Variants in PIP5K1B observed in about 807,000 individuals in gnomAD.
PIP5K1B encodes phosphatidylinositol 4-phosphate 5-kinase type-1 beta.
In PIP5K1B, 42 loss-of-function variants were observed where a neutral mutation model predicts 67.0. The ratio of observed to expected loss-of-function variants is 0.63; its 90% CI spans 0.49 to 0.81. The LOEUF (loss-of-function observed/expected upper bound fraction) is 0.81, where lower values mean the gene tolerates loss of function less well. Among genes scored for constraint, PIP5K1B ranks in the 30% least tolerant of loss-of-function variants. PIP5K1B has a pLI of 0.00. For missense variants in PIP5K1B, 459 were observed against 646.3 expected (o/e 0.71, Z 3.14); for synonymous variants, 214 against 231.4 (o/e 0.92, Z 0.68).
chr9:68,765,585 T>C (rs1301448211), intron 2 of PIP5K1B, among the ~76,000 whole-genome samples: 1 of 152,134 alleles, frequency 6.6e-6, no homozygotes, highest in Non-Finnish European at 1.5e-5. Context: ...GGACCTAAGA[T>C]TTTAAGAAAC....
Position 68,915,047 on chromosome 9 carries a change from T to C in PIP5K1B, c.772-2501T>C, listed in dbSNP as rs535386503. ...TAGCAATTAATTAAGCACTTTATGCTAGAGACTTTTCTAAGCACTTGACTT... is the reference window on the plus strand; with the variant it reads ...TAGCAATTAATTAAGCACTTTATGCCAGAGACTTTTCTAAGCACTTGACTT... On this transcript the variant is annotated intron_variant, in intron 8 of 15. Coordinates refer to ENST00000265382, the MANE Select transcript of PIP5K1B (RefSeq NM_003558.4). Among the ~76,000 whole-genome samples, 4 of 152,246 alleles carry C rather than the reference T, an allele frequency of 2.6e-5. No individual in the cohort carries two copies. The South Asian group carries it at 8.3e-4, about 31-fold the overall frequency.
chr9:69,000,615 C>G (rs1830780861), intron 15 of PIP5K1B, among the ~76,000 whole-genome samples: 1 of 152,140 alleles, frequency 6.6e-6, no homozygotes, highest in South Asian at 2.1e-4. Context: ...CACATCACAT[C>G]TTCCCCCTGT....
At chr9:68,731,017 G>A (rs140784165) in intron 1 of PIP5K1B, among the ~76,000 whole-genome samples, 1,676 of 152,292 alleles carry the variant, frequency 0.011, 23 homozygotes, top group Middle Eastern at 0.027. Flanking sequence ...TCATTAACCA[G>A]TAAACAGATA....
At chr9:68,919,857 A>C in intron 11 of PIP5K1B, 128 bp downstream of exon 11, 1 of 556,018 alleles carries the variant, frequency 1.8e-6, no homozygotes, top group Admixed American at 3.6e-5. Flanking sequence ...TAAACTCAGA[A>C]TCTTAGGTTA....
rs190546184 is a variant in PIP5K1B at position 68,943,787 on chromosome 9, G to A, written c.1502+2997G>A. ...GTCTGTTTTCCGATTTTGACATTATGTTATATGTATCTGTGCTAAAATAAG... is the reference window on the plus strand; with the variant it reads ...GTCTGTTTTCCGATTTTGACATTATATTATATGTATCTGTGCTAAAATAAG... On this transcript the variant is annotated intron_variant, in intron 14 of 15. Transcript: ENST00000265382. Among the ~76,000 whole-genome samples, 686 of 152,274 alleles carry A rather than the reference G, an allele frequency of 4.5e-3. 7 individuals are homozygous for A. The highest frequency in any genetic ancestry group is 0.015 in the African/African-American group (629 of 41,540).
chr9:68,947,011 G>A (rs1827834934), intron 14 of PIP5K1B, among the ~76,000 whole-genome samples: 1 of 152,196 alleles, frequency 6.6e-6, no homozygotes, highest in South Asian at 2.1e-4. Flanking sequence ...AACATTTGTT[G>A]AAATAAAATA....
intron 14 of PIP5K1B, among the ~76,000 whole-genome samples, chr9:68,952,337 AC>A (rs1398690051): frequency 6.6e-6 from 1 of 152,142 alleles, no homozygotes; most frequent in Non-Finnish European, 1.5e-5. Flanking sequence ...GACACTTCTG[AC>A]CAGCCTGGAC....
At chr9:68,709,074 A>G (rs1014384366) in intron 1 of PIP5K1B, among the ~76,000 whole-genome samples, 1 of 152,200 alleles carries the variant, frequency 6.6e-6, no homozygotes, top group African/African-American at 2.4e-5. Context: ...CAGGAGTTCT[A>G]TGGTGAAGGT....
intron 4 of PIP5K1B, among the ~76,000 whole-genome samples, chr9:68,854,927 C>T (rs1406815933): frequency 6.6e-6 from 1 of 152,098 alleles, no homozygotes; most frequent in African/African-American, 2.4e-5. Context: ...GCTTTTTAAA[C>T]TTAACATAGT....
chr9:68,715,099 C>T (rs1339345425), intron 1 of PIP5K1B, among the ~76,000 whole-genome samples: 2 of 152,218 alleles, frequency 1.3e-5, no homozygotes, highest in African/African-American at 2.4e-5. Flanking sequence ...AGGAAAAGGC[C>T]TGGGTTGCTT....
At chr9:68,828,147 C>T (rs1834084659) in intron 4 of PIP5K1B, among the ~76,000 whole-genome samples, 1 of 152,216 alleles carries the variant, frequency 6.6e-6, no homozygotes, top group Non-Finnish European at 1.5e-5. Flanking sequence ...TGCCATTTGC[C>T]TTTCTTCTTG....
Position 68,923,233 on chromosome 9 carries a change from A to G in PIP5K1B, c.1117-69A>G, listed in dbSNP as rs533235272. On this transcript the variant is annotated intron_variant, in intron 11 of 15. Transcript: ENST00000265382. The stretch of plus-strand genomic sequence containing the variant: ...TTGGCTAACAGAGAACCAATTGCAT[A>G]GATCTCTCTTCTGACTTGAGATGAA... 4 of 865,928 alleles carry G rather than the reference A, an allele frequency of 4.6e-6. No individual in the cohort carries two copies. The East Asian group carries it at 7.3e-5, about 16-fold the overall frequency. 53.6% of individuals were successfully genotyped at this position (865,928 alleles called of 1,614,324 possible).
intron 14 of PIP5K1B, among the ~76,000 whole-genome samples, chr9:68,985,970 T>A (rs1329339190): frequency 2.0e-5 from 3 of 152,254 alleles, no homozygotes. Flanking sequence ...CTGCATAATA[T>A]TCCATTTTAT....
chr9:68,946,147 C>A (rs1827793339), intron 14 of PIP5K1B, among the ~76,000 whole-genome samples: 1 of 152,142 alleles, frequency 6.6e-6, no homozygotes, highest in African/African-American at 2.4e-5. Context: ...GCAAGGTCAG[C>A]AGGAATCTTT....
chr9:68,792,966 C>A (rs1361911208), intron 2 of PIP5K1B, among the ~76,000 whole-genome samples: 1 of 150,996 alleles, frequency 6.6e-6, no homozygotes, highest in African/African-American at 2.4e-5. Context: ...AACAAAGACT[C>A]CTGCCCTGTA....
chr9:68,900,229 G>A (rs1587638957), intron 8 of PIP5K1B, among the ~76,000 whole-genome samples: 3 of 152,104 alleles, frequency 2.0e-5, no homozygotes, highest in South Asian at 4.1e-4. Flanking sequence ...TATTTTATTA[G>A]CACTGACCCC....
At chr9:69,007,743 G>T (rs1352318871) in intron 15 of PIP5K1B, among the ~76,000 whole-genome samples, 1 of 152,050 alleles carries the variant, frequency 6.6e-6, no homozygotes, top group African/African-American at 2.4e-5. Context: ...TGTAGTCCCA[G>T]CTACTCGGGA....
intron 15 of PIP5K1B, among the ~76,000 whole-genome samples, chr9:68,999,895 A>G (rs1216268828): frequency 2.0e-5 from 3 of 152,172 alleles, no homozygotes; most frequent in African/African-American, 7.2e-5. Flanking sequence ...GTGTGTCTCA[A>G]TGGAGTTCCC....
chr9:68,879,292 G>C (rs1824053650), intron 6 of PIP5K1B, among the ~76,000 whole-genome samples: 1 of 152,188 alleles, frequency 6.6e-6, no homozygotes, highest in Admixed American at 6.5e-5. Flanking sequence ...AGACAGCCAG[G>C]CACGGTGGCT....
Sources: gnomAD v4.1 joint callset for allele counts (sites outside exome capture counted in the v4.1 genomes callset) on GRCh38, gnomAD v4.1.1 for gene constraint, MANE v1.5 for transcripts, NCBI Gene and HGNC (gene_info 2026-07-23, HGNC 2026-07-21) for gene names.